Variants in WDR41 observed in about 807,000 individuals in gnomAD.
WDR41 encodes WD repeat-containing protein 41.
In WDR41, 63 loss-of-function variants were observed where a neutral mutation model predicts 69.3. That is an observed-to-expected ratio of 0.91 (90% CI 0.74 to 1.12). The LOEUF is 1.12. WDR41 is among the 50% of genes most tolerant of loss of function. WDR41 has a pLI of 0.00. For missense variants in WDR41, 543 were observed against 534.5 expected (o/e 1.02, Z -0.16); for synonymous variants, 185 against 192.1 (o/e 0.96, Z 0.31).
intron 1 of WDR41, among the ~76,000 whole-genome samples, chr5:77,547,466 TAC>T (rs1264457490): frequency 6.6e-6 from 1 of 151,318 alleles, no homozygotes; most frequent in African/African-American, 2.4e-5. Context: ...AGCTCTTCTA[TAC>T]ACCAACGGTG....
chr5:77,491,950 T>C (rs1223268674), intron 1 of WDR41: 1 of 553,092 alleles, frequency 1.8e-6, no homozygotes. Flanking sequence ...GCCGGGGGTC[T>C]GCAGCTCCAG....
intron 2 of WDR41, 43 bp from the exon 3 acceptor site, chr5:77,464,852 C>T: frequency 6.3e-7 from 1 of 1,582,252 alleles, no homozygotes; most frequent in Non-Finnish European, 8.7e-7. Flanking sequence ...TCACTGGTGA[C>T]ATTTAATTAC....
chr5:77,507,000 C>T (rs747305040), intron 1 of WDR41, among the ~76,000 whole-genome samples: 1 of 152,012 alleles, frequency 6.6e-6, no homozygotes, highest in Non-Finnish European at 1.5e-5. Flanking sequence ...CAAACCTGCA[C>T]GTTGTGCACA....
At chr5:77,609,775 T>G (rs1219164275) in intron 1 of WDR41, among the ~76,000 whole-genome samples, 1 of 152,162 alleles carries the variant, frequency 6.6e-6, no homozygotes, top group Non-Finnish European at 1.5e-5. Context: ...GGAACACAGT[T>G]CCTCACCAGC....
intron 1 of WDR41, among the ~76,000 whole-genome samples, chr5:77,602,492 T>C (rs997146957): frequency 6.6e-6 from 1 of 151,990 alleles, no homozygotes; most frequent in African/African-American, 2.4e-5. Context: ...CACATATGAG[T>C]GAGAATGTAT....
intron 1 of WDR41, among the ~76,000 whole-genome samples, chr5:77,610,974 C>T (rs1290033185): frequency 6.6e-6 from 1 of 152,036 alleles, no homozygotes; most frequent in Admixed American, 6.6e-5. Flanking sequence ...TACCAAGCAA[C>T]TGGAAAGCAA....
At chr5:77,508,645 C>T (rs1305202393) in intron 1 of WDR41, among the ~76,000 whole-genome samples, 1 of 152,104 alleles carries the variant, frequency 6.6e-6, no homozygotes, top group African/African-American at 2.4e-5. Context: ...TTGCTTGTGT[C>T]ACAATTATTT....
At chr5:77,612,001 A>T (rs1199086778) in intron 1 of WDR41, among the ~76,000 whole-genome samples, 1 of 152,212 alleles carries the variant, frequency 6.6e-6, no homozygotes, top group Non-Finnish European at 1.5e-5. Context: ...CCATCAGAGA[A>T]TACTACAAAC....
intron 1 of WDR41, among the ~76,000 whole-genome samples, chr5:77,515,582 A>G (rs544445383): frequency 6.6e-6 from 1 of 152,310 alleles, no homozygotes; most frequent in Admixed American, 6.5e-5. Flanking sequence ...CTTATCAAGT[A>G]TTATATAGGG....
At chr5:77,441,649 A>C (rs1471702094) in intron 8 of WDR41, among the ~76,000 whole-genome samples, 1 of 152,068 alleles carries the variant, frequency 6.6e-6, no homozygotes, top group Non-Finnish European at 1.5e-5. Context: ...GAGACAGGAG[A>C]ACTGCTTGAA....
At chr5:77,548,251 G>A (rs1743232977) in intron 1 of WDR41, among the ~76,000 whole-genome samples, 1 of 152,176 alleles carries the variant, frequency 6.6e-6, no homozygotes, top group African/African-American at 2.4e-5. Context: ...GAACCCAAAA[G>A]CAAATGCAAT....
At chr5:77,590,390 C>T (rs1441795626) in intron 1 of WDR41, among the ~76,000 whole-genome samples, 1 of 152,188 alleles carries the variant, frequency 6.6e-6, no homozygotes, top group Non-Finnish European at 1.5e-5. Context: ...GTTATTAAGA[C>T]ATACAACGCC....
At chr5:77,456,027 G>C (rs79414799) in intron 5 of WDR41, among the ~76,000 whole-genome samples, 2,450 of 151,860 alleles carry the variant, frequency 0.016, 29 homozygotes, top group Non-Finnish European at 0.023. Context: ...ATAAAGATTG[G>C]GTTCAATCTG....
intron 1 of WDR41, among the ~76,000 whole-genome samples, chr5:77,571,691 C>T (rs1261388267): frequency 6.6e-6 from 1 of 151,566 alleles, no homozygotes; most frequent in Non-Finnish European, 1.5e-5. Context: ...AGAGCACTCT[C>T]TTCCTCCATG....
chr5:77,610,664 A>T (rs74884247), intron 1 of WDR41, among the ~76,000 whole-genome samples: 15,521 of 151,794 alleles, frequency 0.1, 645 homozygotes, highest in East Asian at 0.24. Context: ...AGCACTAAAC[A>T]TGGAAAGGAA....
At chr5:77,615,800 C>T (rs1744670938) in intron 1 of WDR41, among the ~76,000 whole-genome samples, 2 of 151,812 alleles carry the variant, frequency 1.3e-5, no homozygotes, top group African/African-American at 2.4e-5. Context: ...CGAGACCACC[C>T]TGGCCAACAT....
At chr5:77,618,213 T>C (rs1007394981) in intron 1 of WDR41, among the ~76,000 whole-genome samples, 3 of 152,156 alleles carry the variant, frequency 2.0e-5, no homozygotes, top group Non-Finnish European at 4.4e-5. Context: ...TCTCAAACTA[T>C]AAAATGAGAT....
chr5:77,601,973 T>C (rs1170663831), intron 1 of WDR41, among the ~76,000 whole-genome samples: 2 of 152,128 alleles, frequency 1.3e-5, no homozygotes, highest in African/African-American at 4.8e-5. Flanking sequence ...ACATTTCAAG[T>C]CCTCTTTATA....
chr5:77,462,243 C>T (rs1360020363), intron 4 of WDR41, among the ~76,000 whole-genome samples: 2 of 151,878 alleles, frequency 1.3e-5, no homozygotes, highest in Non-Finnish European at 2.9e-5. Flanking sequence ...AACCCCATCT[C>T]TACTAAAAAT....
Sources: allele counts gnomAD v4.1 joint callset (sites outside exome capture counted in the v4.1 genomes callset), GRCh38; gene constraint gnomAD v4.1.1; transcripts MANE v1.5; gene names NCBI Gene and HGNC (gene_info 2026-07-23, HGNC 2026-07-21).